SYTL2: variants seen among roughly 807,000 people sequenced by gnomAD.
SYTL2 encodes synaptotagmin-like protein 2.
In SYTL2, 165 loss-of-function variants were observed where a neutral mutation model predicts 198.7. The ratio of observed to expected loss-of-function variants is 0.83; its 90% CI spans 0.73 to 0.94. SYTL2 has a LOEUF of 0.94. SYTL2 is among the 40% of genes least tolerant of loss of function. The pLI is 0.00. For missense variants in SYTL2, 2,835 were observed against 2,582.8 expected (o/e 1.10, Z -2.12); for synonymous variants, 966 against 917.7 (o/e 1.05, Z -0.95).
At chr11:85,754,023 A>G (rs183230639) in intron 2 of SYTL2, among the ~76,000 whole-genome samples, 138 of 152,302 alleles carry the variant, frequency 9.1e-4, no homozygotes, top group African/African-American at 3.2e-3. Flanking sequence ...TCCAAAGTCT[A>G]TAAAACATTA....
rs187802339 is a variant in SYTL2, at chr11:85,753,260, T to G, written c.101+4365A>C. 4.6e-5 allele frequency among the ~76,000 whole-genome samples: 7 copies of G among 152,292 alleles called. No homozygotes were observed. In the East Asian group the frequency reaches 1.3e-3, roughly 29 times the overall value. ...GGGCAGCAGGAGAGAAGACACAGGA[T>G]AGGGGTGGAAGAGAGAGAAAGAATC... On this transcript the variant is annotated intron_variant, in intron 2 of 19. Coordinates refer to ENST00000359152, the MANE Select transcript of SYTL2 (RefSeq NM_206927.4).
chr11:85,735,050 G>T (rs1460391535), intron 6 of SYTL2, among the ~76,000 whole-genome samples: 1 of 152,158 alleles, frequency 6.6e-6, no homozygotes, highest in Non-Finnish European at 1.5e-5. Context: ...TGTACTTTGG[G>T]TGATAGTGAT....
Position 85,727,404 on chromosome 11 carries a change from C to T in SYTL2, c.1954G>A (p.Asp652Asn). ...QGSKNMDYSQ[D>N]SKSPGKGNGA... ...TTCCCTTTTCCTGGGCTTTTTGAAT[C>T]TTGGCTATAGTCCATATTTTTACTC... The change falls in exon 8 of 20, where the codon GAT (aspartate) becomes AAT (asparagine). Residue 652 changes from aspartate to asparagine, a missense_variant. Asp to Asn is a conservative substitution (Grantham distance 23). Transcript: ENST00000359152. 1 of 1,536,300 alleles carries T rather than the reference C, an allele frequency of 6.5e-7. No individual in the cohort carries two copies. Among genetic ancestry groups the T allele is most frequent in the Non-Finnish European group, 8.7e-7 (1 of 1,146,928 alleles).
At chr11:85,840,567 A>G in the SYTL2 span, among the ~76,000 whole-genome samples, 2 of 152,198 alleles carry the variant, frequency 1.3e-5, no homozygotes, top group African/African-American at 4.8e-5. Flanking sequence ...GCTCAGAAAT[A>G]AGGCCACACA....
At chr11:85,746,696 A>G (rs1298918897) in intron 3 of SYTL2, among the ~76,000 whole-genome samples, 2 of 152,222 alleles carry the variant, frequency 1.3e-5, no homozygotes, top group Non-Finnish European at 2.9e-5. Context: ...AGTTTCTTCA[A>G]CTGCAAAATG....
chr11:85,705,150 C>A, intron 15 of SYTL2, 122 bp from the exon 16 acceptor site: 1 of 644,972 alleles, frequency 1.6e-6, no homozygotes, highest in Non-Finnish European at 2.5e-6. Flanking sequence ...GGTTTCGAGT[C>A]CCAAAAATAT....
intron 1 of SYTL2, among the ~76,000 whole-genome samples, chr11:85,760,614 G>C (rs2092070204): frequency 6.6e-6 from 1 of 152,138 alleles, no homozygotes; most frequent in East Asian, 1.9e-4. Flanking sequence ...ACTGCCATTT[G>C]GTTGGTTCGA....
chr11:85,845,314 A>C, the SYTL2 span, among the ~76,000 whole-genome samples: 1 of 152,244 alleles, frequency 6.6e-6, no homozygotes, highest in Non-Finnish European at 1.5e-5. Context: ...GAGTTACAAC[A>C]AGCTACAACT....
chr11:85,734,093 A>G lies in SYTL2; in HGVS notation c.1236T>C (p.Thr412=). ...GCCCATTAATTGGAAAAGAACCAGA[A>G]GTCATTGGCTGATGTGTTTCACTTT... ...VSKSETHQPM[T]SGSFPINGLH... is the part of the protein sequence containing the mutation. The change falls in exon 7 of 20, where the codon ACT becomes ACC. Residue 412 remains threonine, a synonymous_variant. Coordinates refer to ENST00000359152, the MANE Select transcript of SYTL2 (RefSeq NM_206927.4). The G allele has an allele frequency of 1.2e-6, 2 of 1,614,224 alleles. No homozygotes were observed. The highest frequency in any genetic ancestry group is 8.5e-7 in the Non-Finnish European group (1 of 1,180,032).
chr11:85,727,721 T>A lies in SYTL2; in HGVS notation c.1637A>T (p.Glu546Val). 6.5e-7 allele frequency: 1 copy of A among 1,549,362 alleles called. No homozygotes were observed. The highest frequency in any genetic ancestry group is 1.2e-5 in the South Asian group (1 of 84,118). The change falls in exon 8 of 20, where the codon GAG (glutamate) becomes GTG (valine). Residue 546 changes from glutamate to valine, a missense_variant. Glu to Val is a moderately radical substitution (Grantham distance 121). Coordinates refer to ENST00000359152, the MANE Select transcript of SYTL2 (RefSeq NM_206927.4). ...KSFLQHPRGI[E>V]SKEKTDSKSQ... Reference sequence around the variant, plus strand: ...TTTTGAGTCTGTTTTTTCTTTGGACTCTATTCCTCGGGGATGTTGGAGGAA... The same window carrying A: ...TTTTGAGTCTGTTTTTTCTTTGGACACTATTCCTCGGGGATGTTGGAGGAA...
chr11:85,842,039 C>T, the SYTL2 span, among the ~76,000 whole-genome samples: 1 of 152,192 alleles, frequency 6.6e-6, no homozygotes, highest in South Asian at 2.1e-4. Flanking sequence ...ATGTCAGGCC[C>T]TGTGCTAGGC....
intron 11 of SYTL2, chr11:85,716,321 T>C (rs966349750): frequency 2.6e-5 from 4 of 152,224 alleles, no homozygotes; most frequent in Non-Finnish European, 4.4e-5. Context: ...TCATCTGCAG[T>C]AGTCAGACAG....
At chr11:85,821,173 A>C in the SYTL2 span, among the ~76,000 whole-genome samples, 1 of 152,300 alleles carries the variant, frequency 6.6e-6, no homozygotes, top group South Asian at 2.1e-4. Context: ...ATCTTTTTTT[A>C]TAGCTTAACA....
intron 14 of SYTL2, chr11:85,708,205 TGTTTGTTCCCCTA>T (rs966748593): frequency 1.3e-4 from 51 of 398,722 alleles, no homozygotes; most frequent in South Asian, 7.4e-4. Flanking sequence ...AGCTTAAATC[TGTTTGTTCCCCTA>T]GTTTGTTCCC....
At chr11:85,761,594 C>A (rs963250379) in intron 1 of SYTL2, among the ~76,000 whole-genome samples, 3 of 152,192 alleles carry the variant, frequency 2.0e-5, no homozygotes, top group Non-Finnish European at 4.4e-5. Flanking sequence ...CAAACATTTA[C>A]TTGGTCCCTT....
At chr11:85,699,607 CTT>C (rs2083943533) in intron 17 of SYTL2, among the ~76,000 whole-genome samples, 1 of 152,148 alleles carries the variant, frequency 6.6e-6, no homozygotes, top group African/African-American at 2.4e-5. Flanking sequence ...CATCAGAATG[CTT>C]TTCTTTAGTT....
At position 85,745,714 on chromosome 11, in the gene SYTL2, G is replaced by A. The variant is rs780887065; in HGVS notation, c.312C>T (p.Asn104=). The change falls in exon 4 of 20, where the codon AAC becomes AAT. Residue 104 remains asparagine (N), a synonymous_variant. Coordinates refer to ENST00000359152, the MANE Select transcript of SYTL2 (RefSeq NM_206927.4). ...GAKESWVNNV[N]KDAFLPPELA... is the part of the protein sequence containing the mutation. ...GCTCTGGAGGAAGGAAAGCATCTTTGTTGACATTATTCACCCAGCTTTCCT... is the reference window on the plus strand; with the variant it reads ...GCTCTGGAGGAAGGAAAGCATCTTTATTGACATTATTCACCCAGCTTTCCT... 4 of 1,613,728 alleles carry A rather than the reference G, an allele frequency of 2.5e-6. No individual in the cohort carries two copies. In the Admixed American group the frequency reaches 6.7e-5, roughly 27 times the overall value.
intron 9 of SYTL2, chr11:85,719,516 CT>C (rs1300508286): frequency 1.7e-5 from 3 of 173,882 alleles, no homozygotes; most frequent in Non-Finnish European, 3.4e-5. Context: ...TTTTTTTTTT[CT>C]TTTTTTCTTT....
chr11:85,709,291 G>A lies in SYTL2; in HGVS notation c.5915+40C>T, dbSNP rs772684281. The stretch of plus-strand genomic sequence containing the variant: ...CCAATTCCTGTAAGATTGACAGTTG[G>A]AGAACTAAGAGAAGGTAGGTGACTC... On this transcript the variant is annotated intron_variant, in intron 14 of 19. Transcript: ENST00000359152. 4 of 1,591,306 alleles carry A rather than the reference G, an allele frequency of 2.5e-6. No homozygotes were observed. In the South Asian group the frequency reaches 3.3e-5, roughly 13 times the overall value.
Sources: gnomAD v4.1 joint callset for allele counts (sites outside exome capture counted in the v4.1 genomes callset) on GRCh38, gnomAD v4.1.1 for gene constraint, MANE v1.5 for transcripts, NCBI Gene and HGNC (gene_info 2026-07-23, HGNC 2026-07-21) for gene names.